The following IL33 variants were observed in gnomAD, a reference collection of about 807,000 sequenced individuals.
IL33 encodes interleukin-33.
In IL33, 37 loss-of-function variants were observed where a neutral mutation model predicts 27.3. The ratio of observed to expected loss-of-function variants is 1.36; its 90% confidence interval spans 1.04 to 1.78. The LOEUF (loss-of-function observed/expected upper bound fraction) is 1.78. IL33 is among the 40% of genes most tolerant of loss of function. IL33 has a pLI of 0.00. For synonymous variants in IL33, 132 were observed against 102.9 expected (o/e 1.28, Z -1.71); for missense variants, 406 against 311.4 (o/e 1.30, Z -2.29).
At chr9:6,229,012 C>G (rs1282326804) in intron 1 of IL33, among the ~76,000 whole-genome samples, 2 of 152,052 alleles carry the variant, frequency 1.3e-5, no homozygotes, top group East Asian at 3.9e-4. Context: ...AAGGCTGAGG[C>G]AGAATTTGTG....
At chr9:6,216,515 G>T (rs146830344) in intron 1 of IL33, among the ~76,000 whole-genome samples, 1 of 152,082 alleles carries the variant, frequency 6.6e-6, no homozygotes, top group East Asian at 1.9e-4. Flanking sequence ...TGGGTGAATC[G>T]CCTGAGGTCA....
rs145599674 is a variant in IL33, at chr9:6,237,866, G to T, written c.-11-3818G>T. 1.3e-3 allele frequency among the ~76,000 whole-genome samples: 203 copies of T among 152,148 alleles called. 1 individual carries two copies. The highest frequency in any genetic ancestry group is 4.6e-3 in the African/African-American group (191 of 41,406). On this transcript the variant is annotated intron_variant, in intron 1 of 7. Coordinates refer to ENST00000682010, the MANE Select transcript of IL33 (RefSeq NM_033439.4). ...AACGTCAAGGCAATGCAGTTTTTAT[G>T]TTAGTAAAGTGTTACTTCATTATCT...
At chr9:6,240,785 C>A (rs1007334336) in intron 1 of IL33, among the ~76,000 whole-genome samples, 1 of 151,922 alleles carries the variant, frequency 6.6e-6, no homozygotes, top group African/African-American at 2.4e-5. Flanking sequence ...AATAAATTAA[C>A]CTTGCTTACT....
intron 2 of IL33, among the ~76,000 whole-genome samples, chr9:6,247,449 G>C (rs1452154679): frequency 6.6e-6 from 1 of 152,152 alleles, no homozygotes; most frequent in Non-Finnish European, 1.5e-5. Flanking sequence ...TCACCTCTGT[G>C]GTTTCCTATC....
chr9:6,250,450 C>G (rs1242891885), intron 2 of IL33, 24 bp from the exon 3 acceptor site: 1 of 1,609,248 alleles, frequency 6.2e-7, no homozygotes. Flanking sequence ...ATGAAACAGT[C>G]TCACAAGTTT....
At position 6,219,144 on chromosome 9, in the gene IL33, C is replaced by A. The variant is rs577954133; in HGVS notation, c.-12+3292C>A. On this transcript the variant is annotated intron_variant, in intron 1 of 7. Coordinates refer to ENST00000682010, the MANE Select transcript of IL33 (RefSeq NM_033439.4). Reference sequence around the variant, plus strand: ...CAGGAACATTTAGAAACATTAAGACCAAATATAAACTCCTGAAACAGCAGA... The same window carrying A: ...CAGGAACATTTAGAAACATTAAGACAAAATATAAACTCCTGAAACAGCAGA... Among the ~76,000 whole-genome samples the A allele has an allele frequency of 5.6e-4, 84 of 151,322 alleles. 1 individual carries two copies. In the Middle Eastern group the frequency reaches 0.017, roughly 31 times the overall value.
intron 1 of IL33, among the ~76,000 whole-genome samples, chr9:6,233,551 T>C (rs959886958): frequency 1.3e-5 from 2 of 152,190 alleles, no homozygotes; most frequent in Non-Finnish European, 2.9e-5. Flanking sequence ...AATATAAACC[T>C]CAATATTAAT....
At chr9:6,233,815 A>C (rs1435459528) in intron 1 of IL33, among the ~76,000 whole-genome samples, 2 of 152,174 alleles carry the variant, frequency 1.3e-5, no homozygotes, top group African/African-American at 2.4e-5. Flanking sequence ...CTACTGTGTA[A>C]AGATACCATT....
At chr9:6,250,989 C>G in intron 3 of IL33, 151 bp from the exon 4 acceptor site, 1 of 946,016 alleles carries the variant, frequency 1.1e-6, no homozygotes, top group Non-Finnish European at 1.5e-6. Flanking sequence ...ATAAGTGTGC[C>G]AAGAGGTATC....
At chr9:6,251,001 A>C (rs1173469354) in intron 3 of IL33, 139 bp from the exon 4 acceptor site, 1 of 1,063,800 alleles carries the variant, frequency 9.4e-7, no homozygotes, top group Non-Finnish European at 1.3e-6. Flanking sequence ...AGAGGTATCA[A>C]TCCCTTTGGA....
chr9:6,253,063 A>C, intron 5 of IL33, 72 bp downstream of exon 5: 2 of 1,047,746 alleles, frequency 1.9e-6, no homozygotes, highest in Non-Finnish European at 2.7e-6. Flanking sequence ...TAAATCTACC[A>C]AACTTTAAAC....
chr9:6,254,491 G>A lies in IL33; in HGVS notation c.550G>A (p.Val184Ile). 1 of 1,595,292 alleles carries A rather than the reference G, an allele frequency of 6.3e-7. No individual in the cohort carries two copies. The highest frequency in any genetic ancestry group is 8.6e-7 in the Non-Finnish European group (1 of 1,168,594). ...CGGTGTTGATGGTAAGATGTTAATG[G>A]TAACCCTGAGTCCTACAAAAGACTT... ...GDGVDGKMLM[V>I]TLSPTKDFWL... Residue 184 changes from valine (V) to isoleucine (I), a missense_variant, in exon 7 of 8, where the codon GTA becomes ATA. Transcript: ENST00000682010.
Position 6,257,016 on chromosome 9 carries a change from C to T in IL33, c.*848C>T, listed in dbSNP as rs1187230371. 6.6e-6 allele frequency: 1 copy of T among 151,302 alleles called. No individual in the cohort carries two copies. Among genetic ancestry groups the T allele is most frequent in the African/African-American group, 2.4e-5 (1 of 41,116 alleles). 9.4% of individuals were successfully genotyped at this position (151,302 alleles called of 1,614,324 possible). A position where few individuals can be genotyped will look rare whatever the true frequency, so the allele number is the denominator to read the frequency against. On this transcript the variant is annotated 3_prime_UTR_variant, in exon 8 of 8. Transcript: ENST00000682010. Reference sequence around the variant, plus strand: ...TTTTTTAAAGAGTACTGAGTCACAACATGTTTTAGAGCATCCAAGTACCAT... The same window carrying T: ...TTTTTTAAAGAGTACTGAGTCACAATATGTTTTAGAGCATCCAAGTACCAT...
chr9:6,240,323 C>T (rs920531344), intron 1 of IL33, among the ~76,000 whole-genome samples: 6 of 152,010 alleles, frequency 3.9e-5, no homozygotes, highest in African/African-American at 1.4e-4. Flanking sequence ...GGTGGGATAA[C>T]TTGAAGCGTG....
At chr9:6,234,612 C>G (rs994714884) in intron 1 of IL33, among the ~76,000 whole-genome samples, 1 of 152,190 alleles carries the variant, frequency 6.6e-6, no homozygotes, top group Admixed American at 6.5e-5. Flanking sequence ...TCACACCAAC[C>G]TGCAAGGACT....
At chr9:6,216,620 C>G (rs1818156112) in intron 1 of IL33, among the ~76,000 whole-genome samples, 1 of 151,970 alleles carries the variant, frequency 6.6e-6, no homozygotes, top group African/African-American at 2.4e-5. Flanking sequence ...TGGTGGTGGG[C>G]ACCTGTAATC....
intron 2 of IL33, among the ~76,000 whole-genome samples, chr9:6,247,005 T>C (rs1204320616): frequency 1.3e-5 from 2 of 152,172 alleles, no homozygotes; most frequent in Non-Finnish European, 2.9e-5. Flanking sequence ...GAGACAGCTA[T>C]GCTTCAAAGT....
At chr9:6,221,558 T>C (rs1356127780) in intron 1 of IL33, among the ~76,000 whole-genome samples, 1 of 152,226 alleles carries the variant, frequency 6.6e-6, no homozygotes, top group Non-Finnish European at 1.5e-5. Flanking sequence ...TAAGTCTTTA[T>C]ATTTCTTAAT....
intron 1 of IL33, among the ~76,000 whole-genome samples, chr9:6,231,827 G>C (rs1298892100): frequency 3.9e-5 from 6 of 152,112 alleles, no homozygotes; most frequent in Non-Finnish European, 7.4e-5. Flanking sequence ...ATCATTCCCA[G>C]TTGTGTCTCT....
Sources: gnomAD v4.1 joint callset for allele counts (sites outside exome capture counted in the v4.1 genomes callset) on GRCh38, gnomAD v4.1.1 for gene constraint, MANE v1.5 for transcripts, NCBI Gene and HGNC (gene_info 2026-07-23, HGNC 2026-07-21) for gene names.